The following AGBL4 variants were observed in gnomAD, a reference collection of about 807,000 sequenced individuals.
AGBL4 encodes AGBL carboxypeptidase 4.
In AGBL4, 58 loss-of-function variants were observed where a neutral mutation model predicts 66.4. The ratio of observed to expected loss-of-function variants is 0.87; its 90% CI spans 0.71 to 1.09. The LOEUF (loss-of-function observed/expected upper bound fraction) is 1.09, where lower values mean the gene tolerates loss of function less well. Ranked by LOEUF, AGBL4 falls within the 50% of genes least tolerant of loss-of-function variation. The pLI, the probability that AGBL4 is intolerant of heterozygous loss-of-function variation, is 0.00. For missense variants in AGBL4, 579 were observed against 631.0 expected (o/e 0.92, Z 0.88); for synonymous variants, 234 against 222.9 (o/e 1.05, Z -0.44).
At chr1:49,976,874 T>C (rs1658601197) in intron 1 of AGBL4, among the ~76,000 whole-genome samples, 1 of 152,200 alleles carries the variant, frequency 6.6e-6, no homozygotes, top group Admixed American at 6.5e-5. Flanking sequence ...TCCATCCCTC[T>C]AAATAGTATG....
chr1:48,663,068 G>T lies in AGBL4; in HGVS notation c.724+84C>A. Reference sequence around the variant, plus strand: ...AATTTCCATTTAAGATAATGGCTCTGCATGTGGCCACACTGTTCCAGAGAT... The same window carrying T: ...AATTTCCATTTAAGATAATGGCTCTTCATGTGGCCACACTGTTCCAGAGAT... On this transcript the variant is annotated intron_variant, in intron 7 of 13. Transcript: ENST00000371839. The T allele has an allele frequency of 4.0e-6, 5 of 1,260,726 alleles. No homozygotes were observed. The South Asian group carries it at 5.0e-5, about 13-fold the overall frequency. The allele number at this position is 1,260,726 out of a possible 1,614,324, so 78.1% of individuals were successfully genotyped here.
In AGBL4 at chr1:48,867,147, A is replaced by C; in HGVS notation, c.634+44T>G. The C allele has an allele frequency of 1.9e-6, 3 of 1,602,988 alleles. No individual in the cohort carries two copies. The South Asian group carries it at 3.3e-5, about 18-fold the overall frequency. On this transcript the variant is annotated intron_variant, in intron 6 of 13. Coordinates refer to ENST00000371839, the MANE Select transcript of AGBL4 (RefSeq NM_032785.4). ...TGGATAGGCAACAAGGCATCATTCA[A>C]GAAATAAGGGAAAAGCAAAGGCAGA... is the stretch of plus-strand genomic sequence containing the variant.
chr1:48,861,151 G>C (rs1243099070), intron 6 of AGBL4, among the ~76,000 whole-genome samples: 1 of 152,104 alleles, frequency 6.6e-6, no homozygotes, highest in Non-Finnish European at 1.5e-5. Flanking sequence ...ATCTAGACTA[G>C]ACATGGTCAA....
At chr1:49,762,414 CTTTT>C (rs759348883) in intron 2 of AGBL4, among the ~76,000 whole-genome samples, 4 of 139,268 alleles carry the variant, frequency 2.9e-5, no homozygotes, top group Admixed American at 7.2e-5. Context: ...CAATTTTCTT[CTTTT>C]TTTTTTTTTT....
At chr1:49,526,229 A>T (rs114970297) in intron 3 of AGBL4, among the ~76,000 whole-genome samples, 2,192 of 152,250 alleles carry the variant, frequency 0.014, 27 homozygotes, top group Non-Finnish European at 0.022. Context: ...GAGTCATTAA[A>T]TAACCCTATC....
chr1:49,060,292 C>T (rs1644380215), intron 4 of AGBL4, among the ~76,000 whole-genome samples: 1 of 152,124 alleles, frequency 6.6e-6, no homozygotes, highest in Non-Finnish European at 1.5e-5. Flanking sequence ...CTCCTTCCTG[C>T]CATTATGTGA....
chr1:49,017,056 T>C (rs1287883024), intron 5 of AGBL4, among the ~76,000 whole-genome samples: 1 of 152,184 alleles, frequency 6.6e-6, no homozygotes, highest in African/African-American at 2.4e-5. Flanking sequence ...GGTGTAGACA[T>C]AGAAGGACAG....
At chr1:48,801,725 A>G (rs72681073) in intron 6 of AGBL4, among the ~76,000 whole-genome samples, 1 of 152,102 alleles carries the variant, frequency 6.6e-6, no homozygotes, top group East Asian at 1.9e-4. Flanking sequence ...GAAGTTTACA[A>G]TGGCAAGCCG....
At chr1:49,415,812 G>A (rs1456156367) in intron 3 of AGBL4, among the ~76,000 whole-genome samples, 1 of 152,072 alleles carries the variant, frequency 6.6e-6, no homozygotes, top group East Asian at 1.9e-4. Context: ...CTTAGAGAAA[G>A]AAGTTAAGTG....
intron 6 of AGBL4, among the ~76,000 whole-genome samples, chr1:48,679,209 G>T (rs1407913339): frequency 6.6e-6 from 1 of 152,206 alleles, no homozygotes; most frequent in Non-Finnish European, 1.5e-5. Flanking sequence ...GAATGTAAGA[G>T]AATCAGAAGG....
intron 3 of AGBL4, chr1:49,269,259 T>C (rs977696911): frequency 6.6e-6 from 1 of 152,206 alleles, no homozygotes; most frequent in South Asian, 2.1e-4. Context: ...GGTTGGCCCA[T>C]GGACTTAACG....
chr1:48,637,379 T>C (rs962607801), intron 8 of AGBL4, among the ~76,000 whole-genome samples: 12 of 152,204 alleles, frequency 7.9e-5, no homozygotes, highest in African/African-American at 2.9e-4. Flanking sequence ...TCCATGTTCT[T>C]TGGGGAATGC....
At chr1:49,060,802 C>T (rs1269301299) in intron 4 of AGBL4, among the ~76,000 whole-genome samples, 1 of 152,188 alleles carries the variant, frequency 6.6e-6, no homozygotes, top group Non-Finnish European at 1.5e-5. Context: ...CACTCCCAAT[C>T]CCAGCTCAGG....
intron 3 of AGBL4, among the ~76,000 whole-genome samples, chr1:49,555,015 G>A (rs1653304919): frequency 6.6e-6 from 1 of 152,192 alleles, no homozygotes; most frequent in Non-Finnish European, 1.5e-5. Context: ...ACTGTGAAGA[G>A]CAAAAGAACA....
chr1:49,288,834 A>G lies in AGBL4; in HGVS notation c.283-42970T>C, dbSNP rs17105593. The stretch of plus-strand genomic sequence containing the variant: ...CCTGAATTGATATATTTGAAATTCA[A>G]CCTCGACTGGATAAACATGATCTTC... On this transcript the variant is annotated intron_variant, in intron 3 of 13. Coordinates refer to ENST00000371839, the MANE Select transcript of AGBL4 (RefSeq NM_032785.4). Among the ~76,000 whole-genome samples, 1,306 of 152,308 alleles carry G rather than the reference A, an allele frequency of 8.6e-3. 14 individuals carry two copies. The highest frequency in any genetic ancestry group is 0.03 in the African/African-American group (1,251 of 41,562).
At chr1:48,602,915 A>G (rs1645095430) in intron 9 of AGBL4, among the ~76,000 whole-genome samples, 2 of 152,176 alleles carry the variant, frequency 1.3e-5, no homozygotes, top group African/African-American at 2.4e-5. Context: ...ACAAGGGAAC[A>G]GTTTAAATGT....
intron 11 of AGBL4, among the ~76,000 whole-genome samples, chr1:48,581,229 T>C (rs186116344): frequency 1.2e-3 from 177 of 152,348 alleles, no homozygotes; most frequent in African/African-American, 4.1e-3. Flanking sequence ...CAATGTGTGA[T>C]GTAGGCTTCA....
At position 49,697,329 on chromosome 1, in the gene AGBL4, T is replaced by C. The variant is rs1204561995; in HGVS notation, c.266A>G (p.Asn89Ser). The C allele has an allele frequency of 6.5e-7, 1 of 1,546,522 alleles. No individual in the cohort carries two copies. Among genetic ancestry groups the C allele is most frequent in the South Asian group, 1.2e-5 (1 of 83,572 alleles). Residue 89 changes from asparagine (N) to serine (S), a missense_variant, in exon 3 of 14, where the codon AAT becomes AGT. Asn to Ser is a conservative substitution (Grantham distance 46). Coordinates refer to ENST00000371839, the MANE Select transcript of AGBL4 (RefSeq NM_032785.4). ...TTCCCTCACCTGTGATTCTTTCACA[T>C]TTTCAACAGTAAAGTTGAACCAGAC... Reference protein sequence around the residue: ...FRVWFNFTVENVKESQRVIFN... With the variant: ...FRVWFNFTVESVKESQRVIFN...
intron 4 of AGBL4, among the ~76,000 whole-genome samples, chr1:49,241,021 A>G (rs1651189586): frequency 6.6e-6 from 1 of 151,968 alleles, no homozygotes. Flanking sequence ...CTAGTCAACC[A>G]CAAAGCTAAA....
Sources: gnomAD v4.1 joint callset for allele counts (sites outside exome capture counted in the v4.1 genomes callset) on GRCh38, gnomAD v4.1.1 for gene constraint, MANE v1.5 for transcripts, NCBI Gene and HGNC (gene_info 2026-07-23, HGNC 2026-07-21) for gene names.